The following ERBB4 variants were observed in gnomAD, a reference collection of about 807,000 sequenced individuals.
ERBB4 encodes erb-b2 receptor tyrosine kinase 4.
In ERBB4, 42 loss-of-function variants were observed where a neutral mutation model predicts 158.0. That is an observed-to-expected ratio of 0.27 (90% CI 0.21 to 0.34). ERBB4 has a LOEUF of 0.34. ERBB4 is among the 10% of genes least tolerant of loss of function. The pLI, the probability that ERBB4 is intolerant of heterozygous loss-of-function variation, is 1.00. For synonymous variants in ERBB4, 583 were observed against 558.7 expected, an observed-to-expected ratio of 1.04 and a Z score of -0.61; for missense variants, 1,333 against 1,624.1, an observed-to-expected ratio of 0.82 and a Z score of 3.08.
intron 25 of ERBB4, among the ~76,000 whole-genome samples, chr2:211,392,568 A>G (rs928239832): frequency 3.9e-4 from 56 of 145,086 alleles, no homozygotes; most frequent in African/African-American, 1.2e-3. Context: ...CCACACACAC[A>G]CACACACACA....
At chr2:211,823,909 A>C (rs960940839) in intron 3 of ERBB4, among the ~76,000 whole-genome samples, 8 of 152,072 alleles carry the variant, frequency 5.3e-5, no homozygotes, top group Admixed American at 3.9e-4. Context: ...GAAATGGGAG[A>C]TATAATACAC....
intron 3 of ERBB4, among the ~76,000 whole-genome samples, chr2:211,877,441 T>C (rs536686879): frequency 6.6e-6 from 1 of 152,330 alleles, no homozygotes; most frequent in South Asian, 2.1e-4. Context: ...CTAATATAAA[T>C]TGATTTACTT....
At chr2:211,680,714 T>TA (rs2072297515) in intron 12 of ERBB4, among the ~76,000 whole-genome samples, 1 of 152,190 alleles carries the variant, frequency 6.6e-6, no homozygotes, top group South Asian at 2.1e-4. Flanking sequence ...CTGGGGTTAT[T>TA]AAAAAGGCCC....
At chr2:212,001,591 C>G (rs974336123) in intron 2 of ERBB4, among the ~76,000 whole-genome samples, 4 of 152,158 alleles carry the variant, frequency 2.6e-5, no homozygotes, top group Middle Eastern at 3.2e-3. Context: ...CAGCTCATTA[C>G]CACAGTTAGA....
intron 1 of ERBB4, among the ~76,000 whole-genome samples, chr2:212,345,638 G>A (rs2106329475): frequency 6.6e-6 from 1 of 152,112 alleles, no homozygotes; most frequent in South Asian, 2.1e-4. Flanking sequence ...GTAAATAACA[G>A]GTATATAGTT....
At chr2:211,470,485 A>G (rs1003567129) in intron 20 of ERBB4, among the ~76,000 whole-genome samples, 3 of 152,164 alleles carry the variant, frequency 2.0e-5, no homozygotes, top group Non-Finnish European at 1.5e-5. Context: ...ATTTGGCTGA[A>G]TGTAGAAAAA....
At chr2:211,623,877 T>A (rs755126599) in intron 18 of ERBB4, 45 bp downstream of exon 18, 2 of 1,602,602 alleles carry the variant, frequency 1.2e-6, no homozygotes, top group Non-Finnish European at 8.5e-7. Context: ...TTTCTAAACA[T>A]CTAAAACAAA....
chr2:211,633,188 T>C (rs1486333382), intron 16 of ERBB4, among the ~76,000 whole-genome samples: 1 of 152,158 alleles, frequency 6.6e-6, no homozygotes, highest in Non-Finnish European at 1.5e-5. Flanking sequence ...CATTAGATCC[T>C]AGTTTGGACA....
At chr2:211,523,360 A>T (rs1183437153) in intron 20 of ERBB4, among the ~76,000 whole-genome samples, 1 of 150,500 alleles carries the variant, frequency 6.6e-6, no homozygotes, top group Non-Finnish European at 1.5e-5. Context: ...TGCTTTTGAG[A>T]TGTTGAATTT....
At chr2:211,495,869 C>T (rs1309367710) in intron 20 of ERBB4, among the ~76,000 whole-genome samples, 2 of 151,958 alleles carry the variant, frequency 1.3e-5, no homozygotes, top group Non-Finnish European at 2.9e-5. Context: ...TTTATATTCA[C>T]AAACATAATA....
intron 3 of ERBB4, among the ~76,000 whole-genome samples, chr2:211,843,363 C>CTGTCGG (rs2077516949): frequency 6.6e-6 from 1 of 151,932 alleles, no homozygotes; most frequent in Non-Finnish European, 1.5e-5. Flanking sequence ...GCTTTTTTAG[C>CTGTCGG]TGTCGGTACT....
chr2:211,506,065 G>T (rs62178826), intron 20 of ERBB4, among the ~76,000 whole-genome samples: 4 of 151,658 alleles, frequency 2.6e-5, no homozygotes, highest in African/African-American at 9.7e-5. Flanking sequence ...ACACCTAACA[G>T]ACTTAAAGTA....
At chr2:211,731,379 G>T (rs1019838621) in intron 5 of ERBB4, among the ~76,000 whole-genome samples, 4 of 152,010 alleles carry the variant, frequency 2.6e-5, no homozygotes, top group African/African-American at 9.7e-5. Context: ...GATAGTATTT[G>T]AATGGAATGT....
chr2:211,544,018 T>TA (rs910671087), intron 20 of ERBB4, among the ~76,000 whole-genome samples: 2 of 151,920 alleles, frequency 1.3e-5, no homozygotes, highest in African/African-American at 4.8e-5. Context: ...GCCACCCAGT[T>TA]AAAGTCTCAC....
intron 20 of ERBB4, among the ~76,000 whole-genome samples, chr2:211,539,444 C>T (rs187223225): frequency 6.6e-6 from 1 of 152,122 alleles, no homozygotes; most frequent in African/African-American, 2.4e-5. Flanking sequence ...TAAATAAGCA[C>T]ATCTGCGTCT....
chr2:211,670,650 A>AT (rs1316220098), intron 14 of ERBB4, among the ~76,000 whole-genome samples: 1 of 152,182 alleles, frequency 6.6e-6, no homozygotes. Flanking sequence ...AGAACAATTC[A>AT]TTTAAGTACA....
chr2:211,716,164 A>G (rs1213518447), intron 7 of ERBB4, among the ~76,000 whole-genome samples: 1 of 148,250 alleles, frequency 6.7e-6, no homozygotes, highest in East Asian at 2.0e-4. Flanking sequence ...GGAGTTCAAG[A>G]CCAGCCTGAC....
chr2:212,459,156 C>T (rs1688449827), intron 1 of ERBB4, among the ~76,000 whole-genome samples: 1 of 151,774 alleles, frequency 6.6e-6, no homozygotes, highest in African/African-American at 2.4e-5. Flanking sequence ...AAAACTTTAG[C>T]CTTCATATAT....
chr2:212,288,564 T>C (rs1455923238), intron 1 of ERBB4, among the ~76,000 whole-genome samples: 1 of 152,116 alleles, frequency 6.6e-6, no homozygotes, highest in Non-Finnish European at 1.5e-5. Context: ...CATAGTAACC[T>C]GGAATTCAGT....
Sources: allele counts gnomAD v4.1 joint callset (sites outside exome capture counted in the v4.1 genomes callset), GRCh38; gene constraint gnomAD v4.1.1; transcripts MANE v1.5; gene names NCBI Gene and HGNC (gene_info 2026-07-23, HGNC 2026-07-21).